The following CADPS variants were observed in gnomAD, a reference collection of about 807,000 sequenced individuals.
CADPS encodes the protein calcium dependent secretion activator.
In CADPS, 57 loss-of-function variants were observed where a neutral mutation model predicts 167.3. That is an observed-to-expected ratio of 0.34 (90% CI 0.28 to 0.42). The LOEUF (loss-of-function observed/expected upper bound fraction) is 0.42. Among genes scored for constraint, CADPS ranks in the 20% least tolerant of loss-of-function variants. The pLI is 1.00. For synonymous variants in CADPS, 676 were observed against 635.3 expected, an observed-to-expected ratio of 1.06 and a Z score of -0.96; for missense variants, 1,414 against 1,738.1, an observed-to-expected ratio of 0.81 and a Z score of 3.32.
chr3:62,847,385 G>T (rs963218762), intron 1 of CADPS, among the ~76,000 whole-genome samples: 1 of 98,860 alleles, frequency 1.0e-5, no homozygotes, highest in African/African-American at 4.4e-5. Context: ...CCACTAACTC[G>T]TCATCTAGCA....
At chr3:62,769,396 T>C (rs1018916943) in intron 1 of CADPS, among the ~76,000 whole-genome samples, 1 of 151,970 alleles carries the variant, frequency 6.6e-6, no homozygotes, top group Non-Finnish European at 1.5e-5. Flanking sequence ...TACAGCTGGC[T>C]AATTTTTGTA....
At chr3:62,691,953 G>T (rs2079210241) in intron 3 of CADPS, among the ~76,000 whole-genome samples, 1 of 151,824 alleles carries the variant, frequency 6.6e-6, no homozygotes, top group African/African-American at 2.4e-5. Flanking sequence ...AGAAAAAAAA[G>T]ATAGGATTTT....
chr3:62,680,602 C>T (rs1281831363), intron 3 of CADPS, among the ~76,000 whole-genome samples: 1 of 151,980 alleles, frequency 6.6e-6, no homozygotes, highest in Non-Finnish European at 1.5e-5. Flanking sequence ...ACATGTCTCC[C>T]CTGGACTGCT....
At chr3:62,859,420 T>A (rs890532963) in intron 1 of CADPS, among the ~76,000 whole-genome samples, 1 of 152,144 alleles carries the variant, frequency 6.6e-6, no homozygotes, top group African/African-American at 2.4e-5. Flanking sequence ...ACTAATTGAA[T>A]ATTGACTGAA....
chr3:62,858,858 T>C (rs780886601), intron 1 of CADPS, among the ~76,000 whole-genome samples: 1 of 152,120 alleles, frequency 6.6e-6, no homozygotes, highest in Non-Finnish European at 1.5e-5. Context: ...AATTTGCAAA[T>C]AAAAAAATTA....
In CADPS at chr3:62,486,423, C is replaced by T. The variant is rs535002686; in HGVS notation, c.3027-4554G>A. Among the ~76,000 whole-genome samples, 248 of 123,980 alleles carry T rather than the reference C, an allele frequency of 2.0e-3. 2 individuals carry two copies. The highest frequency in any genetic ancestry group is 7.4e-3 in the African/African-American group (227 of 30,476). 81.3% of individuals were successfully genotyped at this position (123,980 alleles called of 152,430 possible). A position where few individuals can be genotyped will look rare whatever the true frequency, so the allele number is the denominator to read the frequency against. On this transcript the variant is annotated intron_variant, in intron 21 of 29. Coordinates refer to ENST00000383710, the MANE Select transcript of CADPS (RefSeq NM_003716.4). ...CAGCACCACTGCACTCCAGCCTGGGCGACAGAGCAAGACTCCGTCTCAAAA... is the reference window on the plus strand; with the variant it reads ...CAGCACCACTGCACTCCAGCCTGGGTGACAGAGCAAGACTCCGTCTCAAAA...
At chr3:62,534,121 T>C (rs1027604808) in intron 12 of CADPS, among the ~76,000 whole-genome samples, 1 of 152,236 alleles carries the variant, frequency 6.6e-6, no homozygotes, top group Non-Finnish European at 1.5e-5. Context: ...TTGTGTTTTC[T>C]GGTTTCAGTG....
At chr3:62,500,918 G>A (rs1337619850) in intron 17 of CADPS, among the ~76,000 whole-genome samples, 2 of 152,220 alleles carry the variant, frequency 1.3e-5, no homozygotes, top group Non-Finnish European at 2.9e-5. Flanking sequence ...GAGACACTAT[G>A]CAAGAAGAGT....
intron 6 of CADPS, among the ~76,000 whole-genome samples, chr3:62,595,389 T>A (rs886733346): frequency 1.3e-5 from 2 of 151,964 alleles, no homozygotes; most frequent in East Asian, 3.9e-4. Context: ...ATGGCAAGGG[T>A]TTTGAACCAG....
chr3:62,698,778 C>T (rs1167512370), intron 3 of CADPS, among the ~76,000 whole-genome samples: 3 of 104,832 alleles, frequency 2.9e-5, no homozygotes, highest in Non-Finnish European at 5.3e-5. Context: ...CTTGCTTTGT[C>T]ACCCAGGCTG....
At chr3:62,709,881 T>A (rs1580890040) in intron 3 of CADPS, among the ~76,000 whole-genome samples, 1 of 151,912 alleles carries the variant, frequency 6.6e-6, no homozygotes, top group African/African-American at 2.4e-5. Context: ...GCAATTCTCA[T>A]CCCTCAGCCT....
At chr3:62,817,011 A>T (rs902907977) in intron 1 of CADPS, among the ~76,000 whole-genome samples, 1 of 152,132 alleles carries the variant, frequency 6.6e-6, no homozygotes. Flanking sequence ...GGAATCAGAT[A>T]AAATAGTCCA....
intron 6 of CADPS, among the ~76,000 whole-genome samples, chr3:62,618,366 C>G (rs909526402): frequency 3.2e-4 from 48 of 152,102 alleles, no homozygotes; most frequent in African/African-American, 1.1e-3. Flanking sequence ...TCAGTTTAAG[C>G]CAATCAGAAA....
chr3:62,715,753 C>T (rs368919867), intron 3 of CADPS, among the ~76,000 whole-genome samples: 120 of 89,630 alleles, frequency 1.3e-3, no homozygotes, highest in East Asian at 1.5e-3. Flanking sequence ...GATTATAAAT[C>T]TTTTTTTTTT....
intron 3 of CADPS, among the ~76,000 whole-genome samples, chr3:62,674,534 T>C (rs2076050202): frequency 6.6e-6 from 1 of 152,210 alleles, no homozygotes. Context: ...AAACAGTTTG[T>C]TCCCAGTATC....
At chr3:62,618,985 G>A (rs2149437954) in intron 6 of CADPS, among the ~76,000 whole-genome samples, 1 of 152,296 alleles carries the variant, frequency 6.6e-6, no homozygotes, top group African/African-American at 2.4e-5. Context: ...GTCTAATATA[G>A]GAAAAGGCAA....
intron 21 of CADPS, among the ~76,000 whole-genome samples, chr3:62,491,060 G>A (rs942620526): frequency 2.6e-5 from 4 of 152,108 alleles, no homozygotes; most frequent in East Asian, 1.9e-4. Flanking sequence ...TATCACAGCC[G>A]AGTTTATATT....
intron 2 of CADPS, among the ~76,000 whole-genome samples, chr3:62,759,797 T>C (rs2084939753): frequency 6.6e-6 from 1 of 152,172 alleles, no homozygotes; most frequent in Admixed American, 6.5e-5. Context: ...TTCTACATTG[T>C]CTGTTTTATT....
chr3:62,612,971 A>G (rs1292205160), intron 6 of CADPS, among the ~76,000 whole-genome samples: 1 of 152,214 alleles, frequency 6.6e-6, no homozygotes, highest in East Asian at 1.9e-4. Context: ...CAATAATCAA[A>G]TAAACAAACA....
Sources: allele counts gnomAD v4.1 joint callset (sites outside exome capture counted in the v4.1 genomes callset), GRCh38; gene constraint gnomAD v4.1.1; transcripts MANE v1.5; gene names NCBI Gene and HGNC (gene_info 2026-07-23, HGNC 2026-07-21).